The following SNX8 variants were observed in gnomAD, a reference collection of about 807,000 sequenced individuals.
SNX8 encodes the protein sorting nexin-8.
Under a neutral mutation model 51.6 loss-of-function variants are expected in SNX8, and 25 were observed. That is an observed-to-expected ratio of 0.48 (90% CI 0.35 to 0.68). The LOEUF (loss-of-function observed/expected upper bound fraction) is 0.68, where lower values mean the gene tolerates loss of function less well. Among genes scored for constraint, SNX8 ranks in the 30% least tolerant of loss-of-function variants. The pLI is 0.00. For synonymous variants in SNX8, 324 were observed against 277.0 expected (o/e 1.17, Z -1.68); for missense variants, 695 against 624.0 (o/e 1.11, Z -1.21).
intron 1 of SNX8, among the ~76,000 whole-genome samples, chr7:2,324,854 G>A (rs889856202): frequency 4.1e-4 from 63 of 151,978 alleles, no homozygotes; most frequent in Non-Finnish European, 1.9e-4. Flanking sequence ...CACCCAGGCC[G>A]GAGTGCAGTG....
intron 1 of SNX8, among the ~76,000 whole-genome samples, chr7:2,331,130 G>C (rs907094584): frequency 1.5e-5 from 2 of 136,600 alleles, no homozygotes; most frequent in African/African-American, 5.3e-5. Context: ...AAGTTGCAGT[G>C]AGCAAAGATT....
In SNX8 at chr7:2,312,315, C is replaced by T. The variant is rs180953699; in HGVS notation, c.94+2013G>A. On this transcript the variant is annotated intron_variant, in intron 1 of 10. Coordinates refer to ENST00000222990, the MANE Select transcript of SNX8 (RefSeq NM_013321.4). ...CTGTGAAGCCTGAAGGAAACACAGT[C>T]CCCTACACCTGCAGAGGACCCCTCC... Among the ~76,000 whole-genome samples the T allele has an allele frequency of 4.6e-5, 7 of 152,224 alleles. No individual in the cohort carries two copies. In the East Asian group the frequency reaches 1.2e-3, roughly 25 times the overall value.
chr7:2,289,913 G>A (rs1796115187), intron 1 of SNX8, among the ~76,000 whole-genome samples: 1 of 152,116 alleles, frequency 6.6e-6, no homozygotes, highest in Non-Finnish European at 1.5e-5. Flanking sequence ...TAAAAATAAG[G>A]CCAGCGTGAT....
At chr7:2,344,033 C>CA (rs61399367) in intron 1 of SNX8, among the ~76,000 whole-genome samples, 3,229 of 58,782 alleles carry the variant, frequency 0.055, 114 homozygotes, top group African/African-American at 0.11. Flanking sequence ...AACTCCATCT[C>CA]AAAAAAAAAA....
intron 1 of SNX8, chr7:2,337,115 C>T (rs574829759): frequency 1.3e-5 from 2 of 152,152 alleles, no homozygotes; most frequent in African/African-American, 4.8e-5. Flanking sequence ...AAGGGTCACA[C>T]CACTGTGCGT....
chr7:2,346,470 AG>A (rs1779028450), intron 1 of SNX8, among the ~76,000 whole-genome samples: 1 of 151,280 alleles, frequency 6.6e-6, no homozygotes, highest in Non-Finnish European at 1.5e-5. Context: ...TGAGGCAGCC[AG>A]GCACGGTGGC....
chr7:2,302,646 T>TA (rs1796426307), intron 1 of SNX8, among the ~76,000 whole-genome samples: 1 of 150,742 alleles, frequency 6.6e-6, no homozygotes, highest in Non-Finnish European at 1.5e-5. Context: ...CCACCCCATC[T>TA]AGGAAGTGAG....
chr7:2,302,127 T>C (rs189338311), intron 1 of SNX8, among the ~76,000 whole-genome samples: 1 of 150,808 alleles, frequency 6.6e-6, no homozygotes, highest in Non-Finnish European at 1.5e-5. Context: ...TCTCCCTCTC[T>C]TTCCACGGTC....
intron 1 of SNX8, among the ~76,000 whole-genome samples, chr7:2,292,022 G>C (rs554637445): frequency 6.6e-6 from 1 of 152,330 alleles, no homozygotes; most frequent in South Asian, 2.1e-4. Context: ...CCAACACTCT[G>C]GGAGGCCGAG....
At chr7:2,332,743 A>AGG (rs1451368993) in intron 1 of SNX8, among the ~76,000 whole-genome samples, 101 of 140,382 alleles carry the variant, frequency 7.2e-4, no homozygotes, top group African/African-American at 2.5e-3. Flanking sequence ...GAGAGAGAGA[A>AGG]AAGGAAGGAA....
At chr7:2,269,866 C>G (rs2115117721) in intron 4 of SNX8, among the ~76,000 whole-genome samples, 1 of 152,314 alleles carries the variant, frequency 6.6e-6, no homozygotes, top group African/African-American at 2.4e-5. Flanking sequence ...AACCTGCAGC[C>G]TCTCTCCAGA....
chr7:2,337,905 G>C (rs908062906), intron 1 of SNX8, among the ~76,000 whole-genome samples: 4 of 148,104 alleles, frequency 2.7e-5, no homozygotes, highest in African/African-American at 9.8e-5. Context: ...TATATCAAAA[G>C]CTTAAACTTC....
In SNX8 at chr7:2,311,975, A is replaced by G. The variant is rs552686178; in HGVS notation, c.94+2353T>C. Among the ~76,000 whole-genome samples the G allele has an allele frequency of 4.2e-4, 64 of 151,126 alleles. No homozygotes were observed. The South Asian group carries it at 4.8e-3, about 11-fold the overall frequency. On this transcript the variant is annotated intron_variant, in intron 1 of 10. Transcript: ENST00000222990. ...AAAGACCTGCTATACCACTTCACCCACCTGCCAGGATGACGACCAAGTTTC... is the reference window on the plus strand; with the variant it reads ...AAAGACCTGCTATACCACTTCACCCGCCTGCCAGGATGACGACCAAGTTTC...
intron 1 of SNX8, among the ~76,000 whole-genome samples, chr7:2,345,776 A>G (rs1355059345): frequency 2.6e-5 from 4 of 151,752 alleles, no homozygotes; most frequent in Non-Finnish European, 5.9e-5. Context: ...CTGCATCATT[A>G]GAGGATACTG....
At chr7:2,319,384 G>C (rs571828715), upstream of SNX8, among the ~76,000 whole-genome samples, 123 of 144,748 alleles carry the variant, frequency 8.5e-4, no homozygotes, top group African/African-American at 3.0e-3. Context: ...TTGTGGCCAG[G>C]CATGGTGGCT....
chr7:2,307,273 ATT>A (rs11322022), intron 1 of SNX8, among the ~76,000 whole-genome samples: 40 of 148,666 alleles, frequency 2.7e-4, no homozygotes, highest in South Asian at 4.2e-4. Flanking sequence ...TGGTTATGTG[ATT>A]TTTTTTTTTT....
chr7:2,306,750 A>G (rs1345660705), intron 1 of SNX8, among the ~76,000 whole-genome samples: 2 of 152,156 alleles, frequency 1.3e-5, no homozygotes, highest in Non-Finnish European at 2.9e-5. Context: ...TGTCTATGAA[A>G]TTTTTGCGAT....
intron 1 of SNX8, among the ~76,000 whole-genome samples, chr7:2,349,648 G>T (rs964880565): frequency 1.3e-5 from 2 of 151,832 alleles, no homozygotes; most frequent in African/African-American, 4.8e-5. Flanking sequence ...TGTTGTCTAG[G>T]CTGATGTTGA....
chr7:2,352,648 C>T (rs61434128), intron 1 of SNX8, among the ~76,000 whole-genome samples: 2,204 of 151,848 alleles, frequency 0.015, 53 homozygotes, highest in African/African-American at 0.051. Context: ...CTGGCTAATA[C>T]GGTGAAACCT....
Sources: gnomAD v4.1 joint callset for allele counts (sites outside exome capture counted in the v4.1 genomes callset) on GRCh38, gnomAD v4.1.1 for gene constraint, MANE v1.5 for transcripts, NCBI Gene and HGNC (gene_info 2026-07-23, HGNC 2026-07-21) for gene names.